MCTP1: variants seen among roughly 807,000 people sequenced by gnomAD.
MCTP1 encodes multiple C2 and transmembrane domain-containing protein 1.
Under a neutral mutation model 120.6 loss-of-function variants are expected in MCTP1, and 69 were observed. That is an observed-to-expected ratio of 0.57 (90% CI 0.47 to 0.70). The LOEUF is 0.70. Ranked by LOEUF, MCTP1 falls within the 30% of genes least tolerant of loss-of-function variation. MCTP1 has a pLI of 0.00. For missense variants in MCTP1, 1,203 were observed against 1,248.8 expected (o/e 0.96, Z 0.55); for synonymous variants, 529 against 493.1 (o/e 1.07, Z -0.96).
At chr5:95,011,978 A>C (rs1167112924) in intron 2 of MCTP1, among the ~76,000 whole-genome samples, 1 of 152,086 alleles carries the variant, frequency 6.6e-6, no homozygotes, top group Non-Finnish European at 1.5e-5. Context: ...CCAGGCCTGA[A>C]ATAAACCATT....
At chr5:95,056,025 T>C (rs1747305823) in intron 1 of MCTP1, among the ~76,000 whole-genome samples, 1 of 152,226 alleles carries the variant, frequency 6.6e-6, no homozygotes, top group Non-Finnish European at 1.5e-5. Context: ...TATGTATCTG[T>C]CCACACATGC....
chr5:95,210,097 A>G (rs999447608), intron 1 of MCTP1, among the ~76,000 whole-genome samples: 4 of 152,156 alleles, frequency 2.6e-5, no homozygotes, highest in Admixed American at 2.0e-4. Flanking sequence ...ACTTCCAAGT[A>G]TGTGGTCAAT....
intron 1 of MCTP1, among the ~76,000 whole-genome samples, chr5:95,072,137 A>G (rs561667416): frequency 3.3e-4 from 46 of 140,736 alleles, no homozygotes; most frequent in Admixed American, 1.4e-3. Flanking sequence ...TGGCAAATTG[A>G]TGCTAAAGCA....
intron 18 of MCTP1, among the ~76,000 whole-genome samples, chr5:94,785,644 T>A (rs1169511456): frequency 6.6e-6 from 1 of 152,114 alleles, no homozygotes; most frequent in Admixed American, 6.5e-5. Context: ...AAGAAAATTA[T>A]GTACTTATGC....
In MCTP1 at chr5:95,227,135, T is replaced by C. The variant is rs73776324; in HGVS notation, c.720+56721A>G. On this transcript the variant is annotated intron_variant, in intron 1 of 22. Transcript: ENST00000515393. ...TTAGTTTTAAGAAAAAATAAGAACC[T>C]GACACTTTAAATCCTGCTACAACTG... 3.1e-3 allele frequency among the ~76,000 whole-genome samples: 478 copies of C among 152,308 alleles called. 2 individuals carry two copies. The highest frequency in any genetic ancestry group is 0.01 in the African/African-American group (430 of 41,580).
chr5:94,904,219 C>A (rs1806218582), intron 10 of MCTP1, among the ~76,000 whole-genome samples: 1 of 152,164 alleles, frequency 6.6e-6, no homozygotes, highest in South Asian at 2.1e-4. Context: ...TCCAGGACAA[C>A]ATGCTGAATA....
At chr5:94,925,419 T>TC (rs1451860437) in intron 6 of MCTP1, among the ~76,000 whole-genome samples, 1 of 152,136 alleles carries the variant, frequency 6.6e-6, no homozygotes, top group Non-Finnish European at 1.5e-5. Flanking sequence ...TTTTCTGGTT[T>TC]TTTTTTTGAG....
At chr5:94,992,392 T>C (rs896045970) in intron 2 of MCTP1, among the ~76,000 whole-genome samples, 4 of 152,196 alleles carry the variant, frequency 2.6e-5, no homozygotes, top group Non-Finnish European at 1.5e-5. Context: ...ATCTACTCTT[T>C]AGAACAAGTG....
At chr5:94,869,522 T>C (rs145906168) in intron 16 of MCTP1, among the ~76,000 whole-genome samples, 1 of 152,170 alleles carries the variant, frequency 6.6e-6, no homozygotes, top group Non-Finnish European at 1.5e-5. Flanking sequence ...TGAAATGTTA[T>C]TTACATTTCT....
intron 2 of MCTP1, among the ~76,000 whole-genome samples, chr5:94,977,358 A>T (rs928718001): frequency 1.3e-5 from 2 of 152,090 alleles, no homozygotes; most frequent in Non-Finnish European, 2.9e-5. Flanking sequence ...TGTGTTCATG[A>T]ATTGAAAAAT....
At chr5:95,003,489 A>G (rs1230738828) in intron 2 of MCTP1, among the ~76,000 whole-genome samples, 1 of 152,206 alleles carries the variant, frequency 6.6e-6, no homozygotes, top group Non-Finnish European at 1.5e-5. Flanking sequence ...CATATTTCTC[A>G]TAATGTATCC....
intron 5 of MCTP1, among the ~76,000 whole-genome samples, chr5:94,934,608 G>A (rs1380828257): frequency 6.6e-6 from 1 of 151,600 alleles, no homozygotes; most frequent in Admixed American, 6.6e-5. Flanking sequence ...AGAAATCACA[G>A]AATTAGATAC....
intron 19 of MCTP1, among the ~76,000 whole-genome samples, chr5:94,720,354 A>G (rs1760607807): frequency 6.6e-6 from 1 of 152,114 alleles, no homozygotes; most frequent in Non-Finnish European, 1.5e-5. Context: ...AAGTGGGAAA[A>G]AAAATCAACA....
chr5:94,732,529 T>C (rs1763320588), intron 19 of MCTP1, among the ~76,000 whole-genome samples: 1 of 152,184 alleles, frequency 6.6e-6, no homozygotes, highest in Admixed American at 6.5e-5. Context: ...ATTAGTCAAA[T>C]CATCCTGGTG....
intron 1 of MCTP1, chr5:95,081,861 C>T (rs1426421662): frequency 3.0e-6 from 3 of 1,000,786 alleles, no homozygotes; most frequent in African/African-American, 3.4e-5. Flanking sequence ...TCAACCTCTT[C>T]CTCATGGCAA....
chr5:94,906,290 A>G (rs1806884098), intron 10 of MCTP1, among the ~76,000 whole-genome samples: 1 of 152,146 alleles, frequency 6.6e-6, no homozygotes, highest in South Asian at 2.1e-4. Flanking sequence ...CTTCAAGAAC[A>G]GCCTTGGCAG....
At chr5:94,787,038 T>G (rs1777879801) in intron 18 of MCTP1, among the ~76,000 whole-genome samples, 1 of 152,184 alleles carries the variant, frequency 6.6e-6, no homozygotes, top group Non-Finnish European at 1.5e-5. Context: ...AGGTTTACCT[T>G]TCTCCTCCTC....
At chr5:94,763,561 C>T (rs989667380) in intron 19 of MCTP1, among the ~76,000 whole-genome samples, 5 of 152,182 alleles carry the variant, frequency 3.3e-5, no homozygotes, top group Admixed American at 2.0e-4. Context: ...CTATTCATTA[C>T]TTTATTATAA....
chr5:94,979,751 T>C (rs1193420911), intron 2 of MCTP1: 1 of 152,010 alleles, frequency 6.6e-6, no homozygotes, highest in Non-Finnish European at 1.5e-5. Flanking sequence ...CCGTGATGAC[T>C]GTGTGGAGCA....
Sources: gnomAD v4.1 joint callset for allele counts (sites outside exome capture counted in the v4.1 genomes callset) on GRCh38, gnomAD v4.1.1 for gene constraint, MANE v1.5 for transcripts, NCBI Gene and HGNC (gene_info 2026-07-23, HGNC 2026-07-21) for gene names.